Variants in POPDC1 observed in about 807,000 individuals in gnomAD.
POPDC1 encodes the protein popeye domain cAMP effector 1.
the POPDC1 span, among the ~76,000 whole-genome samples, chr6:105,117,755 G>T: frequency 6.6e-6 from 1 of 152,208 alleles, no homozygotes; most frequent in Admixed American, 6.5e-5. Context: ...CACTGTGAAG[G>T]CAGGGATTGT....
chr6:105,124,653 A>C, the POPDC1 span: 1 of 1,578,630 alleles, frequency 6.3e-7, no homozygotes, highest in Non-Finnish European at 8.7e-7. Context: ...GGAGACCTTC[A>C]TTCTGATAAC....
At chr6:105,115,731 C>T in the POPDC1 span, 12 of 1,613,962 alleles carry the variant, frequency 7.4e-6, no homozygotes, top group East Asian at 1.6e-4. Context: ...TGGTGCAAGC[C>T]GTCGTCACTG....
the POPDC1 span, chr6:105,115,676 G>A: frequency 3.5e-3 from 5,667 of 1,613,808 alleles, 16 homozygotes; most frequent in Non-Finnish European, 4.4e-3. Context: ...TCAGTTTTGG[G>A]ATAACTTACG....
the POPDC1 span, among the ~76,000 whole-genome samples, chr6:105,119,720 A>G: frequency 6.6e-6 from 1 of 152,228 alleles, no homozygotes; most frequent in Non-Finnish European, 1.5e-5. Flanking sequence ...CATCTATGAG[A>G]TGAAGAAATT....
At chr6:105,103,241 A>G in the POPDC1 span, among the ~76,000 whole-genome samples, 2 of 152,256 alleles carry the variant, frequency 1.3e-5, no homozygotes, top group East Asian at 1.9e-4. Flanking sequence ...TGATATTTGT[A>G]AAGTTATTAG....
chr6:105,130,711 G>A, the POPDC1 span, among the ~76,000 whole-genome samples: 1 of 152,132 alleles, frequency 6.6e-6, no homozygotes. Context: ...GCTTGTTACT[G>A]TATTGAATAT....
chr6:105,129,989 T>C, the POPDC1 span, among the ~76,000 whole-genome samples: 11 of 152,158 alleles, frequency 7.2e-5, no homozygotes, highest in Non-Finnish European at 1.3e-4. Context: ...TTTCATTTTG[T>C]TTTTTGTCCA....
the POPDC1 span, chr6:105,115,618 T>C: frequency 6.5e-7 from 1 of 1,543,898 alleles, no homozygotes; most frequent in Non-Finnish European, 8.8e-7. Context: ...TAATCAAAGT[T>C]GTCATTTGTC....
the POPDC1 span, among the ~76,000 whole-genome samples, chr6:105,106,957 C>T: frequency 6.6e-6 from 1 of 152,140 alleles, no homozygotes; most frequent in Non-Finnish European, 1.5e-5. Flanking sequence ...TACAAACAAT[C>T]CAACTTACTC....
the POPDC1 span, chr6:105,116,659 T>C: frequency 2.0e-6 from 3 of 1,472,392 alleles, no homozygotes; most frequent in East Asian, 2.3e-5. Flanking sequence ...ATATACCTCA[T>C]ATACATATTT....
chr6:105,101,344 A>C, the POPDC1 span: 2 of 997,926 alleles, frequency 2.0e-6, no homozygotes. Flanking sequence ...CCAAGAACAC[A>C]ATTTCCATAA....
the POPDC1 span, among the ~76,000 whole-genome samples, chr6:105,105,070 C>T: frequency 6.6e-6 from 1 of 152,164 alleles, no homozygotes; most frequent in African/African-American, 2.4e-5. Flanking sequence ...ACTTAGAACA[C>T]ATCCTAGGAG....
chr6:105,128,418 C>T, the POPDC1 span, among the ~76,000 whole-genome samples: 1 of 152,184 alleles, frequency 6.6e-6, no homozygotes, highest in East Asian at 1.9e-4. Context: ...GCTGCTTCAG[C>T]ACAGACCCTT....
the POPDC1 span, among the ~76,000 whole-genome samples, chr6:105,123,170 G>A: frequency 3.2e-4 from 48 of 152,152 alleles, no homozygotes; most frequent in African/African-American, 8.4e-4. Context: ...TAGCCTCTTC[G>A]TTTCCATTTC....
At chr6:105,128,136 C>T in the POPDC1 span, among the ~76,000 whole-genome samples, 4 of 152,308 alleles carry the variant, frequency 2.6e-5, no homozygotes, top group South Asian at 2.1e-4. Context: ...TAATGGTTGA[C>T]AGGAAAAGTG....
chr6:105,127,623 A>G, the POPDC1 span, among the ~76,000 whole-genome samples: 1 of 151,990 alleles, frequency 6.6e-6, no homozygotes. Context: ...AATTTTTTGT[A>G]GAGACAGGGT....
chr6:105,110,251 A>AC, the POPDC1 span, among the ~76,000 whole-genome samples: 13 of 478 alleles, frequency 0.027, no homozygotes, highest in African/African-American at 0.11. Flanking sequence ...GTAGCTGAAT[A>AC]TCCCAAACAA....
At chr6:105,115,586 G>T in the POPDC1 span, 1 of 1,423,416 alleles carries the variant, frequency 7.0e-7, no homozygotes, top group Non-Finnish European at 9.5e-7. Context: ...CTTTCAAATA[G>T]TTACCTGCAA....
chr6:105,129,618 T>G, the POPDC1 span: 4 of 1,034,272 alleles, frequency 3.9e-6, no homozygotes, highest in South Asian at 8.8e-5. Context: ...AAGGTGATAC[T>G]TTGCAAGACC....
Sources: allele counts gnomAD v4.1 joint callset (sites outside exome capture counted in the v4.1 genomes callset), GRCh38; gene constraint gnomAD v4.1.1; transcripts MANE v1.5; gene names NCBI Gene and HGNC (gene_info 2026-07-23, HGNC 2026-07-21).